Variants in ATG10 observed in about 807,000 individuals in gnomAD.
ATG10 encodes autophagy related 10.
Under a neutral mutation model 32.1 loss-of-function variants are expected in ATG10, and 30 were observed. That is an observed-to-expected ratio of 0.94 (90% CI 0.70 to 1.27). The LOEUF (loss-of-function observed/expected upper bound fraction) is 1.27. Among genes scored for constraint, ATG10 ranks in the 50% most tolerant of loss-of-function variants. The pLI is 0.00. For missense variants in ATG10, 233 were observed against 262.3 expected (o/e 0.89, Z 0.77); for synonymous variants, 87 against 91.5 (o/e 0.95, Z 0.28).
intron 5 of ATG10, among the ~76,000 whole-genome samples, chr5:82,195,704 A>G (rs576251454): frequency 2.8e-4 from 43 of 152,328 alleles, no homozygotes; most frequent in South Asian, 1.7e-3. Context: ...TGTAACACAT[A>G]TAAGTACTTT....
chr5:82,113,329 G>C (rs895149230), intron 3 of ATG10, among the ~76,000 whole-genome samples: 9 of 151,916 alleles, frequency 5.9e-5, no homozygotes, highest in African/African-American at 2.2e-4. Context: ...TCAATGCTAA[G>C]AAGCAATGCA....
At chr5:82,084,940 C>G (rs1476849175) in intron 3 of ATG10, among the ~76,000 whole-genome samples, 1 of 152,110 alleles carries the variant, frequency 6.6e-6, no homozygotes, top group Non-Finnish European at 1.5e-5. Flanking sequence ...GCAAAATAAC[C>G]AGCTAACATC....
At chr5:82,234,648 G>A in intron 5 of ATG10, among the ~76,000 whole-genome samples, 1 of 152,236 alleles carries the variant, frequency 6.6e-6, no homozygotes. Context: ...CCTTGGGCAA[G>A]TTAATTGGCA....
intron 3 of ATG10, among the ~76,000 whole-genome samples, chr5:82,116,132 G>A (rs1014071815): frequency 1.1e-4 from 16 of 151,952 alleles, no homozygotes; most frequent in Admixed American, 9.2e-4. Flanking sequence ...TAAAATAATT[G>A]TAATAATATA....
At chr5:82,162,505 A>G (rs73768636) in intron 3 of ATG10, among the ~76,000 whole-genome samples, 3,742 of 152,266 alleles carry the variant, frequency 0.025, 150 homozygotes, top group African/African-American at 0.084. Flanking sequence ...GAAATTTAAA[A>G]TGCTCATATC....
intron 5 of ATG10, among the ~76,000 whole-genome samples, chr5:82,205,544 C>T (rs545368502): frequency 1.6e-4 from 25 of 152,174 alleles, no homozygotes; most frequent in African/African-American, 5.3e-4. Context: ...AAGCTATAGA[C>T]GACAAAATAT....
chr5:82,232,410 G>T (rs1746398804), intron 5 of ATG10, among the ~76,000 whole-genome samples: 2 of 152,124 alleles, frequency 1.3e-5, no homozygotes, highest in African/African-American at 4.8e-5. Context: ...CTTAGATCTG[G>T]ACATAAGTCT....
At position 82,254,593 on chromosome 5, in the gene ATG10, A is replaced by G. The variant is rs918851555; in HGVS notation, c.*530A>G. The G allele has an allele frequency of 2.7e-5, 4 of 150,794 alleles. No individual in the cohort carries two copies. The highest frequency in any genetic ancestry group is 6.6e-5 in the Admixed American group (1 of 15,118). 9.3% of individuals were successfully genotyped at this position (150,794 alleles called of 1,614,324 possible). On this transcript the variant is annotated 3_prime_UTR_variant, in exon 8 of 8. Transcript: ENST00000282185. Reference sequence around the variant, plus strand: ...AAAAAAAAAAAAAAGACACATCACTATAAATAGCAAAAAAACAAATCTAAC... The same window carrying G: ...AAAAAAAAAAAAAAGACACATCACTGTAAATAGCAAAAAAACAAATCTAAC...
intron 5 of ATG10, among the ~76,000 whole-genome samples, chr5:82,212,761 C>G (rs1457028222): frequency 6.6e-6 from 1 of 152,152 alleles, no homozygotes; most frequent in African/African-American, 2.4e-5. Context: ...ACTGGGCAGT[C>G]CCACTTCTCA....
intron 2 of ATG10, among the ~76,000 whole-genome samples, chr5:82,016,534 T>C (rs1156749666): frequency 6.6e-6 from 1 of 152,220 alleles, no homozygotes; most frequent in Non-Finnish European, 1.5e-5. Context: ...ATTTGTTCTT[T>C]CTGTTTAGTC....
intron 3 of ATG10, among the ~76,000 whole-genome samples, chr5:82,157,839 T>C (rs529291354): frequency 1.6e-4 from 24 of 152,344 alleles, no homozygotes; most frequent in African/African-American, 5.8e-4. Flanking sequence ...GAACCAGTGA[T>C]GTTAGGTTTG....
At chr5:82,139,190 T>A (rs1581731162) in intron 3 of ATG10, among the ~76,000 whole-genome samples, 2 of 144,626 alleles carry the variant, frequency 1.4e-5, no homozygotes, top group African/African-American at 2.6e-5. Flanking sequence ...CTCGGCTCAC[T>A]ACAACCTACA....
chr5:82,110,366 C>A (rs184454), intron 3 of ATG10, among the ~76,000 whole-genome samples: 149,966 of 152,226 alleles, frequency 0.99, 73,903 homozygotes, highest in Middle Eastern at 1. Flanking sequence ...ATCCCTGAGG[C>A]ATTGCCACAC....
At chr5:82,027,774 A>G (rs1762636546) in intron 2 of ATG10, among the ~76,000 whole-genome samples, 1 of 152,250 alleles carries the variant, frequency 6.6e-6, no homozygotes, top group African/African-American at 2.4e-5. Context: ...TAGTTAGGTA[A>G]TGAAATGACA....
intron 4 of ATG10, among the ~76,000 whole-genome samples, chr5:82,176,022 C>T (rs1019932217): frequency 2.6e-5 from 4 of 152,142 alleles, no homozygotes; most frequent in Non-Finnish European, 5.9e-5. Flanking sequence ...TTATATAAAA[C>T]ATCTACTTCT....
At chr5:82,129,702 TCC>T in intron 3 of ATG10, among the ~76,000 whole-genome samples, 1 of 152,130 alleles carries the variant, frequency 6.6e-6, no homozygotes, top group Non-Finnish European at 1.5e-5. Flanking sequence ...TGCTTCCTGT[TCC>T]TTCATCTGGA....
At chr5:82,204,087 G>A (rs1276936666) in intron 5 of ATG10, among the ~76,000 whole-genome samples, 1 of 152,146 alleles carries the variant, frequency 6.6e-6, no homozygotes, top group Non-Finnish European at 1.5e-5. Context: ...CATGGAAGAG[G>A]ATAGGGAGAA....
At chr5:81,976,884 T>C (rs1760889341) in intron 1 of ATG10, among the ~76,000 whole-genome samples, 1 of 152,206 alleles carries the variant, frequency 6.6e-6, no homozygotes, top group Non-Finnish European at 1.5e-5. Context: ...TTTTCTTGTT[T>C]TTGTTTTTTG....
In ATG10 at chr5:82,209,504, C is replaced by T. The variant is rs564770718; in HGVS notation, c.453+30917C>T. On this transcript the variant is annotated intron_variant, in intron 5 of 7. Transcript: ENST00000282185. The stretch of plus-strand genomic sequence containing the variant: ...AGATGGCCATCTATGAACCAGGATA[C>T]GAGCTCTTAACAAGCACCATGTGTG... Among the ~76,000 whole-genome samples, 25 of 152,264 alleles carry T rather than the reference C, an allele frequency of 1.6e-4. No individual in the cohort carries two copies. In the South Asian group the frequency reaches 3.7e-3, roughly 23 times the overall value.
Sources: allele counts gnomAD v4.1 joint callset (sites outside exome capture counted in the v4.1 genomes callset), GRCh38; gene constraint gnomAD v4.1.1; transcripts MANE v1.5; gene names NCBI Gene and HGNC (gene_info 2026-07-23, HGNC 2026-07-21).